TMEM135: variants seen among roughly 807,000 people sequenced by gnomAD.
The protein encoded by TMEM135 is transmembrane protein 135, also known as peroxisomal membrane protein 52.
In TMEM135, 30 loss-of-function variants were observed where a neutral mutation model predicts 60.3. That is an observed-to-expected ratio of 0.50 (90% CI 0.37 to 0.68). TMEM135 has a LOEUF of 0.68. TMEM135 is among the 30% of genes least tolerant of loss of function. The pLI, the probability that TMEM135 is intolerant of heterozygous loss-of-function variation, is 0.00. For missense variants in TMEM135, 468 were observed against 548.8 expected (o/e 0.85, Z 1.47); for synonymous variants, 190 against 186.7 (o/e 1.02, Z -0.14).
chr11:87,062,020 T>TC (rs1949951836), intron 1 of TMEM135, among the ~76,000 whole-genome samples: 2 of 152,188 alleles, frequency 1.3e-5, no homozygotes, highest in South Asian at 4.1e-4. Flanking sequence ...ACTTTTTTTT[T>TC]CTTGAGACAA....
rs575913956 is a variant in TMEM135, at chr11:87,210,704, A to G, written c.463-25934A>G. On this transcript the variant is annotated intron_variant, in intron 5 of 14. Transcript: ENST00000305494. ...TTCTGAGAGAGCAACAAAAAAGGAA[A>G]ACTTAAGGCCAATATCCCTGATGAA... Among the ~76,000 whole-genome samples, 4 of 152,240 alleles carry G rather than the reference A, an allele frequency of 2.6e-5. No homozygotes were observed. The South Asian group carries it at 8.3e-4, about 32-fold the overall frequency.
chr11:87,247,590 C>G (rs1356508498), intron 6 of TMEM135, among the ~76,000 whole-genome samples: 2 of 152,188 alleles, frequency 1.3e-5, no homozygotes, highest in African/African-American at 4.8e-5. Context: ...TCGCTGCCAC[C>G]TTGCAGTTTG....
Position 87,321,622 on chromosome 11 carries a change from G to A in TMEM135, c.*289G>A, listed in dbSNP as rs17821399. ...CCACAAGCAATATTATATAATCTAC[G>A]TAGAAGTGTAATAACAAACAAGAGT... is the stretch of plus-strand genomic sequence containing the variant. On this transcript the variant is annotated 3_prime_UTR_variant, in exon 15 of 15. Coordinates refer to ENST00000305494, the MANE Select transcript of TMEM135 (RefSeq NM_022918.4). 51,215 of 555,936 alleles carry A rather than the reference G, an allele frequency of 0.092. 2,514 individuals are homozygous for A. The highest frequency in any genetic ancestry group is 0.1 in the South Asian group (6,595 of 64,784). The allele number at this position is 555,936 out of a possible 1,614,324, so 34.4% of individuals were successfully genotyped here.
chr11:87,303,866 G>T (rs1942489527), intron 8 of TMEM135, among the ~76,000 whole-genome samples: 1 of 152,210 alleles, frequency 6.6e-6, no homozygotes, highest in Admixed American at 6.5e-5. Flanking sequence ...ATGGGTGAAT[G>T]ATGCCTTGGG....
chr11:87,180,802 C>T (rs573400918), intron 5 of TMEM135, among the ~76,000 whole-genome samples: 139 of 152,246 alleles, frequency 9.1e-4, no homozygotes, highest in African/African-American at 2.8e-3. Context: ...ATATTAAAAA[C>T]GAAAACAAAA....
At chr11:87,150,392 C>A (rs1378665983) in intron 4 of TMEM135, among the ~76,000 whole-genome samples, 1 of 152,174 alleles carries the variant, frequency 6.6e-6, no homozygotes, top group African/African-American at 2.4e-5. Flanking sequence ...AACTTGCCTA[C>A]ACTGCTATTC....
chr11:87,125,850 A>G (rs1267698874), intron 4 of TMEM135, among the ~76,000 whole-genome samples: 2 of 152,250 alleles, frequency 1.3e-5, no homozygotes, highest in Non-Finnish European at 2.9e-5. Context: ...CAAATGTTTT[A>G]CAAAATTCAT....
chr11:87,267,255 A>G (rs754937607), intron 6 of TMEM135, among the ~76,000 whole-genome samples: 2 of 152,328 alleles, frequency 1.3e-5, no homozygotes, highest in Non-Finnish European at 2.9e-5. Flanking sequence ...TGGAGAGGGA[A>G]TGGATGAAAA....
chr11:87,300,052 A>G (rs1458159769), intron 7 of TMEM135, among the ~76,000 whole-genome samples: 1 of 152,200 alleles, frequency 6.6e-6, no homozygotes, highest in Non-Finnish European at 1.5e-5. Context: ...AGAGCAATAC[A>G]GACGCATGGT....
chr11:87,203,508 T>G (rs1940167347), intron 5 of TMEM135, among the ~76,000 whole-genome samples: 1 of 152,216 alleles, frequency 6.6e-6, no homozygotes, highest in African/African-American at 2.4e-5. Flanking sequence ...CATTTCAGCT[T>G]CCTCCATGTC....
chr11:87,207,266 A>G (rs1268499344), intron 5 of TMEM135, among the ~76,000 whole-genome samples: 2 of 152,198 alleles, frequency 1.3e-5, no homozygotes, highest in Admixed American at 1.3e-4. Context: ...AACAAGGATA[A>G]ACTTTCCTTA....
At chr11:87,130,165 CAT>C (rs2135230519) in intron 4 of TMEM135, among the ~76,000 whole-genome samples, 1 of 110,782 alleles carries the variant, frequency 9.0e-6, no homozygotes, top group Admixed American at 1.1e-4. Context: ...CCAGTTCCAG[CAT>C]TTTTTTTTTT....
At chr11:87,078,440 G>C (rs1856918162) in intron 3 of TMEM135, among the ~76,000 whole-genome samples, 1 of 151,984 alleles carries the variant, frequency 6.6e-6, no homozygotes, top group Non-Finnish European at 1.5e-5. Context: ...TTTAATTATT[G>C]AGTTGTAAGG....
chr11:87,077,895 A>G lies in TMEM135; in HGVS notation c.362+6280A>G, dbSNP rs550506026. ...CTTTTACTTAGTGTAATGGTTTTGA[A>G]GTTTGATGTCATACGTATCATTTCA... On this transcript the variant is annotated intron_variant, in intron 3 of 14. Coordinates refer to ENST00000305494, the MANE Select transcript of TMEM135 (RefSeq NM_022918.4). Among the ~76,000 whole-genome samples, 265 of 152,292 alleles carry G rather than the reference A, an allele frequency of 1.7e-3. 2 individuals are homozygous for G. The highest frequency in any genetic ancestry group is 6.2e-3 in the African/African-American group (258 of 41,560).
chr11:87,294,800 A>C (rs1485902065), intron 6 of TMEM135, among the ~76,000 whole-genome samples: 4 of 152,226 alleles, frequency 2.6e-5, no homozygotes, highest in African/African-American at 9.6e-5. Context: ...AAGAAGAACA[A>C]AGACACTGAA....
chr11:87,184,032 A>T (rs1287726040), intron 5 of TMEM135, among the ~76,000 whole-genome samples: 1 of 151,890 alleles, frequency 6.6e-6, no homozygotes, highest in East Asian at 1.9e-4. Flanking sequence ...ACGTTCAGTG[A>T]ACATTTTCTA....
At chr11:87,069,017 A>G (rs1237034640) in intron 2 of TMEM135, among the ~76,000 whole-genome samples, 5 of 150,522 alleles carry the variant, frequency 3.3e-5, no homozygotes, top group Non-Finnish European at 7.4e-5. Flanking sequence ...GAAAGTTTCT[A>G]TGACGGCCGG....
chr11:87,064,058 A>G (rs2512356), intron 1 of TMEM135, among the ~76,000 whole-genome samples: 34,122 of 151,928 alleles, frequency 0.22, 4,342 homozygotes, highest in East Asian at 0.52. Context: ...TTCCAAGGGG[A>G]CCACAATTTT....
At chr11:87,138,553 A>G in intron 4 of TMEM135, among the ~76,000 whole-genome samples, 1 of 152,064 alleles carries the variant, frequency 6.6e-6, no homozygotes, top group Middle Eastern at 3.2e-3. Context: ...ACAATGACTT[A>G]CTCATTAGCT....
Sources: gnomAD v4.1 joint callset for allele counts (sites outside exome capture counted in the v4.1 genomes callset) on GRCh38, gnomAD v4.1.1 for gene constraint, MANE v1.5 for transcripts, NCBI Gene and HGNC (gene_info 2026-07-23, HGNC 2026-07-21) for gene names.